BCKDHB: variants seen among roughly 807,000 people sequenced by gnomAD.
BCKDHB encodes branched chain keto acid dehydrogenase E1 subunit beta.
In BCKDHB, 41 loss-of-function variants were observed where a neutral mutation model predicts 48.5. The ratio of observed to expected loss-of-function variants is 0.85; its 90% CI spans 0.66 to 1.10. The LOEUF (loss-of-function observed/expected upper bound fraction) is 1.10, where lower values mean the gene tolerates loss of function less well. Among genes scored for constraint, BCKDHB ranks in the 50% least tolerant of loss-of-function variants. BCKDHB has a pLI of 0.00. For synonymous variants in BCKDHB, 201 were observed against 174.8 expected (o/e 1.15, Z -1.18); for missense variants, 496 against 494.2 (o/e 1.00, Z -0.03).
chr6:80,171,405 T>C lies in BCKDHB; in HGVS notation c.742+15T>C. 2 of 1,490,364 alleles carry C rather than the reference T, an allele frequency of 1.3e-6. No individual in the cohort carries two copies. The highest frequency in any genetic ancestry group is 2.3e-5 in the East Asian group (1 of 43,732). The allele number at this position is 1,490,364 out of a possible 1,614,324, so 92.3% of individuals were successfully genotyped here. A position where few individuals can be genotyped will look rare whatever the true frequency, so the allele number is the denominator to read the frequency against. Reference sequence around the variant, plus strand: ...CAGGGCAGCAGGTAAAGATTTTCTTTATTTTATATTTGTGAATATCTTTAT... The same window carrying C: ...CAGGGCAGCAGGTAAAGATTTTCTTCATTTTATATTTGTGAATATCTTTAT... On this transcript the variant is annotated intron_variant, in intron 6 of 9. Transcript: ENST00000320393.
Position 80,305,176 on chromosome 6 carries a change from T to C in BCKDHB, c.1038+31955T>C, listed in dbSNP as rs192409339. On this transcript the variant is annotated intron_variant, in intron 9 of 9. Transcript: ENST00000320393. The stretch of plus-strand genomic sequence containing the variant: ...CAATGTTGCTATAGATAAACATCAA[T>C]ACAAATTGAAAATAAAAACTTTAAA... Among the ~76,000 whole-genome samples, 4 of 152,208 alleles carry C rather than the reference T, an allele frequency of 2.6e-5. No individual in the cohort carries two copies. The East Asian group carries it at 7.7e-4, about 29-fold the overall frequency.
Position 80,107,528 on chromosome 6 carries a change from T to TATATATAC in BCKDHB, c.196+639_196+640insATATATAC, listed in dbSNP as rs1562050568. Among the ~76,000 whole-genome samples the TATATATAC allele has an allele frequency of 2.6e-5, 3 of 113,900 alleles. No individual in the cohort carries two copies. In the South Asian group the frequency reaches 9.5e-4, roughly 36 times the overall value. 74.7% of individuals were successfully genotyped at this position (113,900 alleles called of 152,430 possible). A position where few individuals can be genotyped will look rare whatever the true frequency, so the allele number is the denominator to read the frequency against. ...ATATATGTGCGCATATATATATATA[T>TATATATAC]GCATATATATATATGCACACATATA... On this transcript the variant is annotated intron_variant, in intron 1 of 9. Transcript: ENST00000320393.
At chr6:80,461,040 A>G in the BCKDHB span, among the ~76,000 whole-genome samples, 1 of 152,180 alleles carries the variant, frequency 6.6e-6, no homozygotes, top group African/African-American at 2.4e-5. Context: ...CACTAAACGC[A>G]TAGTCTCTTG....
chr6:80,381,039 T>C, the BCKDHB span, among the ~76,000 whole-genome samples: 3 of 152,020 alleles, frequency 2.0e-5, no homozygotes, highest in Admixed American at 6.6e-5. Context: ...ACAGTATTCA[T>C]ATCTTATGTC....
At chr6:80,139,638 G>T (rs546172404) in intron 3 of BCKDHB, among the ~76,000 whole-genome samples, 1 of 151,886 alleles carries the variant, frequency 6.6e-6, no homozygotes, top group African/African-American at 2.4e-5. Context: ...ATTTCTGAGG[G>T]CTCTGTTCTG....
At chr6:80,404,109 C>A in the BCKDHB span, among the ~76,000 whole-genome samples, 6 of 151,602 alleles carry the variant, frequency 4.0e-5, no homozygotes, top group African/African-American at 1.5e-4. Flanking sequence ...GTTTCAAAGT[C>A]TTCTCACTTC....
chr6:80,410,993 G>A, the BCKDHB span, among the ~76,000 whole-genome samples: 1 of 152,224 alleles, frequency 6.6e-6, no homozygotes, highest in African/African-American at 2.4e-5. Flanking sequence ...CATTGCTGGT[G>A]AGGAGTTGTG....
the BCKDHB span, among the ~76,000 whole-genome samples, chr6:80,372,920 T>G: frequency 6.6e-6 from 1 of 152,128 alleles, no homozygotes; most frequent in African/African-American, 2.4e-5. Flanking sequence ...CTTTTTCTGT[T>G]ATGTTCTTTC....
chr6:80,168,519 T>G, intron 4 of BCKDHB, among the ~76,000 whole-genome samples: 1 of 109,440 alleles, frequency 9.1e-6, no homozygotes, highest in African/African-American at 3.8e-5. Flanking sequence ...AAAAGCTCAT[T>G]GTGCTATGGG....
At chr6:80,171,508 A>G (rs1772915376) in intron 6 of BCKDHB, 118 bp downstream of exon 6, 1 of 663,960 alleles carries the variant, frequency 1.5e-6, no homozygotes, top group South Asian at 2.2e-5. Flanking sequence ...TGTAGAAAGA[A>G]TCTTGATTTT....
the BCKDHB span, chr6:80,374,482 G>A: frequency 1.7e-5 from 13 of 750,832 alleles, no homozygotes; most frequent in Non-Finnish European, 2.7e-5. Context: ...GCAGTTTCAC[G>A]AGTGTTCTTA....
chr6:80,153,163 GC>G (rs35449633), intron 3 of BCKDHB, among the ~76,000 whole-genome samples: 55,734 of 151,966 alleles, frequency 0.37, 12,221 homozygotes, highest in Admixed American at 0.56. Context: ...GTGAGCCGTG[GC>G]CAGGCTTCCT....
At chr6:80,299,605 C>G (rs1440885321) in intron 9 of BCKDHB, among the ~76,000 whole-genome samples, 1 of 152,098 alleles carries the variant, frequency 6.6e-6, no homozygotes, top group African/African-American at 2.4e-5. Flanking sequence ...TCATATCCTG[C>G]CAAACTAAGC....
intron 8 of BCKDHB, among the ~76,000 whole-genome samples, chr6:80,223,743 C>A (rs1582391201): frequency 6.6e-6 from 1 of 152,116 alleles, no homozygotes; most frequent in East Asian, 1.9e-4. Flanking sequence ...AACAGTACTG[C>A]AAATCCCTGT....
the BCKDHB span, among the ~76,000 whole-genome samples, chr6:80,443,020 G>A: frequency 1.3e-5 from 2 of 152,140 alleles, no homozygotes; most frequent in African/African-American, 4.8e-5. Flanking sequence ...TGTGGCTGGG[G>A]TCTGAAGCCT....
chr6:80,199,862 A>G (rs565003851), intron 6 of BCKDHB, among the ~76,000 whole-genome samples: 4 of 150,208 alleles, frequency 2.7e-5, no homozygotes, highest in African/African-American at 7.4e-5. Flanking sequence ...ATTTGAGGTC[A>G]GGAGTTCAAG....
chr6:80,226,190 CTTATT>C (rs1208624505), intron 8 of BCKDHB, among the ~76,000 whole-genome samples: 3 of 152,044 alleles, frequency 2.0e-5, no homozygotes, highest in Non-Finnish European at 2.9e-5. Flanking sequence ...TGTGTAGAGT[CTTATT>C]TTGTTTTTCC....
intron 8 of BCKDHB, among the ~76,000 whole-genome samples, chr6:80,260,382 A>G (rs892470069): frequency 6.6e-6 from 1 of 152,184 alleles, no homozygotes; most frequent in Non-Finnish European, 1.5e-5. Context: ...ATGAGGGACT[A>G]CAAATTATTG....
At chr6:80,123,008 G>T (rs572474152) in intron 1 of BCKDHB, among the ~76,000 whole-genome samples, 1 of 142,228 alleles carries the variant, frequency 7.0e-6, no homozygotes, top group South Asian at 2.2e-4. Context: ...CTTTCCCTGG[G>T]TATTAATATT....
Sources: gnomAD v4.1 joint callset for allele counts (sites outside exome capture counted in the v4.1 genomes callset) on GRCh38, gnomAD v4.1.1 for gene constraint, MANE v1.5 for transcripts, NCBI Gene and HGNC (gene_info 2026-07-23, HGNC 2026-07-21) for gene names.